The following AUTS2 variants were observed in gnomAD, a reference collection of about 807,000 sequenced individuals.
AUTS2 encodes activator of transcription and developmental regulator AUTS2.
In AUTS2, 17 loss-of-function variants were observed where a neutral mutation model predicts 112.4. That is an observed-to-expected ratio of 0.15 (90% CI 0.10 to 0.23). The LOEUF is 0.23. Ranked by LOEUF, AUTS2 falls within the 10% of genes least tolerant of loss-of-function variation. The pLI, the probability that AUTS2 is intolerant of heterozygous loss-of-function variation, is 1.00. For synonymous variants in AUTS2, 751 were observed against 702.7 expected, an observed-to-expected ratio of 1.07 and a Z score of -1.09; for missense variants, 1,510 against 1,701.6, an observed-to-expected ratio of 0.89 and a Z score of 1.98.
chr7:70,505,330 A>G (rs903891834), intron 5 of AUTS2, among the ~76,000 whole-genome samples: 1 of 152,220 alleles, frequency 6.6e-6, no homozygotes, highest in Non-Finnish European at 1.5e-5. Flanking sequence ...GCTTTTAACC[A>G]GTTCTCCCAG....
In AUTS2 at chr7:70,563,610, A is replaced by T. The variant is rs1174357108; in HGVS notation, c.690+127829A>T. On this transcript the variant is annotated intron_variant, in intron 5 of 18. Coordinates refer to ENST00000342771, the MANE Select transcript of AUTS2 (RefSeq NM_015570.4). Reference sequence around the variant, plus strand: ...GGTAGAGAATGAGGAGAAGAGCCTCACTTCCCGGAGATGGCGGAGAGGGAT... The same window carrying T: ...GGTAGAGAATGAGGAGAAGAGCCTCTCTTCCCGGAGATGGCGGAGAGGGAT... Among the ~76,000 whole-genome samples the T allele has an allele frequency of 2.0e-5, 3 of 152,154 alleles. No individual in the cohort carries two copies. The East Asian group carries it at 5.8e-4, about 29-fold the overall frequency.
chr7:70,656,815 TGCGACTAG>T (rs545633197), intron 5 of AUTS2, among the ~76,000 whole-genome samples: 110 of 152,330 alleles, frequency 7.2e-4, no homozygotes, highest in Middle Eastern at 3.4e-3. Flanking sequence ...TTTCAACCTC[TGCGACTAG>T]GCCCAGATTT....
intron 4 of AUTS2, among the ~76,000 whole-genome samples, chr7:70,298,251 C>T (rs1789040486): frequency 6.6e-6 from 1 of 152,036 alleles, no homozygotes; most frequent in African/African-American, 2.4e-5. Context: ...AGACTGGTCT[C>T]GAACTCCTGA....
intron 4 of AUTS2, among the ~76,000 whole-genome samples, chr7:70,166,360 A>G (rs546426545): frequency 3.3e-5 from 5 of 152,204 alleles, no homozygotes; most frequent in South Asian, 2.1e-4. Flanking sequence ...ATTATTTACT[A>G]TCTGGTGCTG....
chr7:70,549,770 A>G (rs1184919733), intron 5 of AUTS2, among the ~76,000 whole-genome samples: 1 of 152,204 alleles, frequency 6.6e-6, no homozygotes, highest in African/African-American at 2.4e-5. Context: ...TATTTCAGCA[A>G]CCTGACCAGA....
chr7:70,389,853 C>CA lies in AUTS2; in HGVS notation c.661-45891dup, dbSNP rs778819903. Among the ~76,000 whole-genome samples the CA allele has an allele frequency of 5.1e-3, 769 of 151,786 alleles. 3 individuals carry two copies. The highest frequency in any genetic ancestry group is 7.6e-3 in the Non-Finnish European group (519 of 67,880). ...TCTATTTCACAGGAACTTTTCAGTG[C>CA]AAAAAAAATTACGGGTGCAATGTTG... On this transcript the variant is annotated intron_variant, in intron 4 of 18. Transcript: ENST00000342771.
chr7:69,646,541 C>G lies in AUTS2; in HGVS notation c.309+46579C>G, dbSNP rs533652735. Among the ~76,000 whole-genome samples the G allele has an allele frequency of 7.6e-4, 115 of 152,310 alleles. 1 individual carries two copies. The highest frequency in any genetic ancestry group is 2.5e-3 in the African/African-American group (105 of 41,568). The stretch of plus-strand genomic sequence containing the variant: ...TTACTACTTTCTCCAAATATTAGCT[C>G]TTTGCAAATATGGTTATACCAAACC... On this transcript the variant is annotated intron_variant, in intron 1 of 18. Coordinates refer to ENST00000342771, the MANE Select transcript of AUTS2 (RefSeq NM_015570.4).
chr7:69,981,910 A>G (rs1798310093), intron 2 of AUTS2, among the ~76,000 whole-genome samples: 1 of 152,132 alleles, frequency 6.6e-6, no homozygotes, highest in Non-Finnish European at 1.5e-5. Context: ...TGACGGTTGC[A>G]TTTGTGCTTA....
rs1810440405 is a variant in AUTS2, at chr7:70,717,397, G to GT, written c.742+18777_742+18778insT. On this transcript the variant is annotated intron_variant, in intron 6 of 18. Coordinates refer to ENST00000342771, the MANE Select transcript of AUTS2 (RefSeq NM_015570.4). ...GGGGTCTTGCTGTGTTGCACAGGCT[G>GT]GTCTGGAACTCCTGGCCTCAGGCGA... Among the ~76,000 whole-genome samples the GT allele has an allele frequency of 2.0e-5, 3 of 151,964 alleles. No individual in the cohort carries two copies. In the South Asian group the frequency reaches 6.2e-4, roughly 32 times the overall value.
rs530782566 is a variant in AUTS2, at chr7:69,811,244, T to C, written c.310-88042T>C. 3.3e-5 allele frequency among the ~76,000 whole-genome samples: 5 copies of C among 152,222 alleles called. No homozygotes were observed. In the South Asian group the frequency reaches 1.0e-3, roughly 32 times the overall value. The stretch of plus-strand genomic sequence containing the variant: ...AGCATAGTTTGAAATCTAGCACAGA[T>C]TAAAACTTGACCTAACACTCAAAAG... On this transcript the variant is annotated intron_variant, in intron 1 of 18. Transcript: ENST00000342771.
chr7:69,912,300 G>A (rs1231982517), intron 2 of AUTS2, among the ~76,000 whole-genome samples: 2 of 151,120 alleles, frequency 1.3e-5, no homozygotes, highest in Admixed American at 1.3e-4. Flanking sequence ...AGGCGCCTGA[G>A]AGCTCAGGGA....
intron 1 of AUTS2, among the ~76,000 whole-genome samples, chr7:69,711,336 G>T (rs1217855014): frequency 2.0e-5 from 3 of 152,204 alleles, no homozygotes; most frequent in African/African-American, 7.2e-5. Context: ...AGAGAAAAGA[G>T]CAGGTGCTTT....
At chr7:69,769,528 A>T in intron 1 of AUTS2, among the ~76,000 whole-genome samples, 1 of 152,226 alleles carries the variant, frequency 6.6e-6, no homozygotes, top group Admixed American at 6.5e-5. Context: ...TTCTGCATTT[A>T]GCTGGAAATA....
chr7:70,179,746 C>T (rs949776437), intron 4 of AUTS2, among the ~76,000 whole-genome samples: 3 of 152,028 alleles, frequency 2.0e-5, no homozygotes, highest in Admixed American at 6.6e-5. Flanking sequence ...ACTCTGAGGC[C>T]CACCCTTACT....
chr7:69,773,774 A>G (rs1223731855), intron 1 of AUTS2, among the ~76,000 whole-genome samples: 3 of 152,354 alleles, frequency 2.0e-5, no homozygotes, highest in African/African-American at 7.2e-5. Flanking sequence ...TGGCAGAGCC[A>G]GGAGTATCAG....
chr7:69,613,383 A>G (rs1793146548), intron 1 of AUTS2, among the ~76,000 whole-genome samples: 1 of 152,220 alleles, frequency 6.6e-6, no homozygotes, highest in Admixed American at 6.5e-5. Flanking sequence ...TGCCACTCAT[A>G]CAATATATCT....
intron 4 of AUTS2, among the ~76,000 whole-genome samples, chr7:70,159,463 C>G (rs747333938): frequency 2.0e-5 from 3 of 152,178 alleles, no homozygotes; most frequent in Non-Finnish European, 4.4e-5. Flanking sequence ...AAAAATGACA[C>G]ATGGAACTCT....
intron 5 of AUTS2, among the ~76,000 whole-genome samples, chr7:70,488,709 A>G (rs1167297047): frequency 6.6e-6 from 1 of 152,042 alleles, no homozygotes; most frequent in African/African-American, 2.4e-5. Flanking sequence ...GCTCCCAAAC[A>G]TTCTCATCTC....
intron 5 of AUTS2, among the ~76,000 whole-genome samples, chr7:70,516,236 CCTCA>C (rs905293282): frequency 1.3e-5 from 2 of 152,040 alleles, no homozygotes; most frequent in Non-Finnish European, 2.9e-5. Context: ...CTTTTTCTCC[CCTCA>C]CTAAGAGTCT....
Sources: allele counts gnomAD v4.1 joint callset (sites outside exome capture counted in the v4.1 genomes callset), GRCh38; gene constraint gnomAD v4.1.1; transcripts MANE v1.5; gene names NCBI Gene and HGNC (gene_info 2026-07-23, HGNC 2026-07-21).